SLMAP: variants seen among roughly 807,000 people sequenced by gnomAD.
SLMAP encodes sarcolemma associated protein.
A neutral mutation model predicts 128.8 loss-of-function variants in SLMAP; 44 were observed. The ratio of observed to expected loss-of-function variants is 0.34; its 90% confidence interval spans 0.27 to 0.44. SLMAP has a LOEUF of 0.44. Among genes scored for constraint, SLMAP ranks in the 20% least tolerant of loss-of-function variants. SLMAP has a pLI of 1.00. For missense variants in SLMAP, 787 were observed against 985.3 expected (o/e 0.80, Z 2.69); for synonymous variants, 327 against 348.8 (o/e 0.94, Z 0.70).
intron 2 of SLMAP, among the ~76,000 whole-genome samples, chr3:57,772,519 T>G (rs546646044): frequency 6.6e-6 from 1 of 152,372 alleles, no homozygotes; most frequent in Non-Finnish European, 1.5e-5. Context: ...ATACCTCAGC[T>G]TATAATGTTG....
At chr3:57,897,724 T>C (rs778739238) in intron 17 of SLMAP, 4 of 152,008 alleles carry the variant, frequency 2.6e-5, no homozygotes, top group Non-Finnish European at 4.4e-5. Flanking sequence ...GAAAGAAATT[T>C]TAGATGTTGA....
At chr3:57,892,915 G>A (rs891945658) in intron 15 of SLMAP, among the ~76,000 whole-genome samples, 1 of 146,272 alleles carries the variant, frequency 6.8e-6, no homozygotes, top group Admixed American at 7.1e-5. Context: ...CTCACTGCAA[G>A]CTCTGCCTCC....
At chr3:57,803,669 ACT>A (rs761148239) in intron 2 of SLMAP, among the ~76,000 whole-genome samples, 10 of 152,022 alleles carry the variant, frequency 6.6e-5, no homozygotes, top group Non-Finnish European at 1.3e-4. Context: ...CTTCCTCTCC[ACT>A]CTCTTTTTGT....
intron 2 of SLMAP, among the ~76,000 whole-genome samples, chr3:57,792,444 G>C (rs1194696514): frequency 2.0e-5 from 3 of 151,672 alleles, no homozygotes; most frequent in Non-Finnish European, 4.4e-5. Context: ...TGTCTTATTT[G>C]CTTCTGTGTT....
At chr3:57,913,077 C>G (rs2153692273) in intron 20 of SLMAP, 81 bp from the exon 21 acceptor site, 1 of 710,618 alleles carries the variant, frequency 1.4e-6, no homozygotes, top group East Asian at 2.6e-5. Flanking sequence ...ATGTTCTCCT[C>G]TGAAATCTTT....
intron 15 of SLMAP, chr3:57,890,719 A>G (rs2096042950): frequency 6.6e-6 from 1 of 152,262 alleles, no homozygotes; most frequent in African/African-American, 2.4e-5. Context: ...TTTTATACAT[A>G]GGGAAATTAG....
intron 15 of SLMAP, among the ~76,000 whole-genome samples, chr3:57,895,674 G>A (rs887866749): frequency 6.6e-6 from 1 of 152,010 alleles, no homozygotes; most frequent in East Asian, 1.9e-4. Context: ...AGGTGCAGTG[G>A]CTCATGCCTG....
chr3:57,908,117 A>G lies in SLMAP; in HGVS notation c.1624+111A>G. 4 of 971,136 alleles carry G rather than the reference A, an allele frequency of 4.1e-6. No homozygotes were observed. In the South Asian group the frequency reaches 6.7e-5, roughly 16 times the overall value. 60.2% of individuals were successfully genotyped at this position (971,136 alleles called of 1,614,324 possible). The stretch of plus-strand genomic sequence containing the variant: ...CATGTTCCAGATTCACAACTTTATG[A>G]GATATGTGATCTTGGTATATTTACT... On this transcript the variant is annotated intron_variant, in intron 18 of 24. Transcript: ENST00000671191.
Position 57,909,146 on chromosome 3 carries a change from T to C in SLMAP, c.1695T>C (p.Leu565=), listed in dbSNP as rs770899998. 6.2e-7 allele frequency: 1 copy of C among 1,603,480 alleles called. No homozygotes were observed. Among genetic ancestry groups the C allele is most frequent in the Non-Finnish European group, 8.5e-7 (1 of 1,172,484 alleles). ...AATCCACTAAACAAATACAGGTTCT[T>C]CAAGGTATGGAAGACCCCAAGGCTC... The part of the protein sequence containing the change: ...VEESTKQIQV[L]QAQLQRLHID... Residue 565 remains leucine (L), a synonymous_variant, in exon 19 of 25, where the codon CTT becomes CTC. Transcript: ENST00000671191.
At chr3:57,903,447 C>T (rs950911724) in intron 17 of SLMAP, among the ~76,000 whole-genome samples, 5 of 152,172 alleles carry the variant, frequency 3.3e-5, no homozygotes, top group African/African-American at 1.2e-4. Context: ...CACAAGTATG[C>T]ACATGCAAAA....
intron 2 of SLMAP, among the ~76,000 whole-genome samples, chr3:57,780,641 CTT>C (rs1251847406): frequency 1.3e-5 from 2 of 151,716 alleles, no homozygotes; most frequent in Admixed American, 1.3e-4. Context: ...GGTATTTCAA[CTT>C]AAATAATTTT....
chr3:57,869,656 AT>A (rs2095432335), intron 13 of SLMAP, among the ~76,000 whole-genome samples: 1 of 136,262 alleles, frequency 7.3e-6, no homozygotes, highest in African/African-American at 2.7e-5. Context: ...ATATATATAT[AT>A]ATAATATATA....
chr3:57,837,517 C>T (rs1291673258), intron 3 of SLMAP, among the ~76,000 whole-genome samples: 2 of 152,102 alleles, frequency 1.3e-5, no homozygotes, highest in South Asian at 2.1e-4. Flanking sequence ...TACAGGCACC[C>T]ACCACCACGT....
At chr3:57,905,110 AT>A (rs1295683512) in intron 17 of SLMAP, among the ~76,000 whole-genome samples, 2 of 152,112 alleles carry the variant, frequency 1.3e-5, no homozygotes, top group Non-Finnish European at 2.9e-5. Flanking sequence ...TGGTGTCCTC[AT>A]GGCTACTGGT....
intron 17 of SLMAP, chr3:57,897,157 T>C (rs1339279373): frequency 7.9e-7 from 1 of 1,260,742 alleles, no homozygotes; most frequent in Non-Finnish European, 1.0e-6. Flanking sequence ...GGACAAAGTG[T>C]TAAGTGGTAG....
At chr3:57,885,459 G>A (rs1258403849) in intron 14 of SLMAP, among the ~76,000 whole-genome samples, 5 of 141,300 alleles carry the variant, frequency 3.5e-5, no homozygotes, top group African/African-American at 1.3e-4. Flanking sequence ...TTGTTCTGTC[G>A]CCCAGGCTAG....
rs754208419 is a variant in SLMAP at position 57,925,946 on chromosome 3, A to G, written c.*6+12A>G. On this transcript the variant is annotated intron_variant, in intron 24 of 24. Transcript: ENST00000671191. ...TGTGGTAGAGAAAGGTACAAGCACT[A>G]TTGTTGAGTCCTTGTCTGTTTGTCC... The G allele has an allele frequency of 1.1e-5, 17 of 1,529,496 alleles. No individual in the cohort carries two copies. The African/African-American group carries it at 1.9e-4, about 17-fold the overall frequency. The allele number at this position is 1,529,496 out of a possible 1,614,324, so 94.7% of individuals were successfully genotyped here. A position where few individuals can be genotyped will look rare whatever the true frequency, so the allele number is the denominator to read the frequency against.
intron 2 of SLMAP, among the ~76,000 whole-genome samples, chr3:57,821,514 T>C (rs917582744): frequency 2.6e-5 from 4 of 152,210 alleles, no homozygotes; most frequent in Non-Finnish European, 4.4e-5. Flanking sequence ...CAGAAATGTG[T>C]GATGCTTTGT....
intron 5 of SLMAP, 131 bp downstream of exon 5, chr3:57,847,364 A>T: frequency 1.7e-6 from 1 of 585,322 alleles, no homozygotes; most frequent in Non-Finnish European, 3.0e-6. Flanking sequence ...ATATAGCTAT[A>T]TAGTTATTAT....
Sources: gnomAD v4.1 joint callset for allele counts (sites outside exome capture counted in the v4.1 genomes callset) on GRCh38, gnomAD v4.1.1 for gene constraint, MANE v1.5 for transcripts, NCBI Gene and HGNC (gene_info 2026-07-23, HGNC 2026-07-21) for gene names.